The following TASP1 variants were observed in gnomAD, a reference collection of about 807,000 sequenced individuals.
The protein encoded by TASP1 is taspase 1.
Under a neutral mutation model 56.6 loss-of-function variants are expected in TASP1, and 16 were observed. The observed-to-expected ratio is 0.28, with a 90% CI of 0.19 to 0.43. TASP1 has a LOEUF of 0.43. Among genes scored for constraint, TASP1 ranks in the 20% least tolerant of loss-of-function variants. The probability of loss-of-function intolerance (pLI) is 1.00; values close to 1 mark genes in which losing one functional copy is unlikely to be tolerated. For missense variants in TASP1, 393 were observed against 511.6 expected (o/e 0.77, Z 2.24); for synonymous variants, 179 against 184.2 (o/e 0.97, Z 0.23).
At chr20:13,344,836 G>A in the TASP1 span, among the ~76,000 whole-genome samples, 1 of 152,294 alleles carries the variant, frequency 6.6e-6, no homozygotes, top group African/African-American at 2.4e-5. Context: ...ACACTCAGCG[G>A]CTGGCATGAT....
the TASP1 span, among the ~76,000 whole-genome samples, chr20:13,158,972 G>C: frequency 1.3e-5 from 2 of 152,196 alleles, no homozygotes; most frequent in Non-Finnish European, 2.9e-5. Context: ...GCTAAGAACA[G>C]ATCTGAGGCA....
chr20:13,616,913 C>T (rs1455369157), intron 4 of TASP1: 6 of 350,762 alleles, frequency 1.7e-5, no homozygotes, highest in Non-Finnish European at 2.8e-5. Flanking sequence ...TGCACATGGC[C>T]ACCCACAGCC....
the TASP1 span, among the ~76,000 whole-genome samples, chr20:13,293,699 C>T: frequency 6.6e-6 from 1 of 152,160 alleles, no homozygotes; most frequent in East Asian, 1.9e-4. Flanking sequence ...ATGGTCTGGG[C>T]ACAGTGACTC....
the TASP1 span, among the ~76,000 whole-genome samples, chr20:13,274,731 C>T: frequency 6.7e-6 from 1 of 149,884 alleles, no homozygotes; most frequent in Non-Finnish European, 1.5e-5. Flanking sequence ...CTTCTAAAAG[C>T]CCCAACACCT....
At chr20:13,434,489 G>A (rs1600781338) in intron 12 of TASP1, among the ~76,000 whole-genome samples, 1 of 152,150 alleles carries the variant, frequency 6.6e-6, no homozygotes, top group African/African-American at 2.4e-5. Flanking sequence ...CTGCAAATCT[G>A]CGAAAATACT....
chr20:13,599,666 T>C (rs1251695931), intron 4 of TASP1, among the ~76,000 whole-genome samples: 1 of 151,720 alleles, frequency 6.6e-6, no homozygotes, highest in African/African-American at 2.4e-5. Flanking sequence ...CCCTAGAACT[T>C]AAAGTATAAT....
the TASP1 span, among the ~76,000 whole-genome samples, chr20:13,312,537 G>A: frequency 6.6e-6 from 1 of 152,144 alleles, no homozygotes; most frequent in African/African-American, 2.4e-5. Context: ...TCTAAATTCA[G>A]CATTTACTGG....
chr20:13,571,502 A>G (rs1427226160), intron 6 of TASP1, among the ~76,000 whole-genome samples: 1 of 152,216 alleles, frequency 6.6e-6, no homozygotes, highest in Non-Finnish European at 1.5e-5. Flanking sequence ...CATATCTGGA[A>G]TCTGACCACT....
intron 8 of TASP1, among the ~76,000 whole-genome samples, chr20:13,535,646 G>A (rs951650230): frequency 6.6e-6 from 1 of 152,144 alleles, no homozygotes; most frequent in Admixed American, 6.6e-5. Flanking sequence ...CTAAGGAAAG[G>A]TTTGATCCAC....
At chr20:13,582,725 A>G (rs567673789) in intron 5 of TASP1, among the ~76,000 whole-genome samples, 2 of 152,342 alleles carry the variant, frequency 1.3e-5, no homozygotes, top group East Asian at 3.9e-4. Flanking sequence ...AAGAGGGAGA[A>G]AGAACACAAA....
chr20:13,175,719 C>T, the TASP1 span, among the ~76,000 whole-genome samples: 1 of 152,182 alleles, frequency 6.6e-6, no homozygotes, highest in Non-Finnish European at 1.5e-5. Context: ...TGGTAATATC[C>T]ATTGTGTACC....
chr20:13,122,945 T>C, the TASP1 span, among the ~76,000 whole-genome samples: 3 of 152,192 alleles, frequency 2.0e-5, no homozygotes, highest in Non-Finnish European at 4.4e-5. Context: ...ATGAGAGAGT[T>C]GAAACAGAGA....
chr20:13,208,949 G>A, the TASP1 span, among the ~76,000 whole-genome samples: 3 of 152,170 alleles, frequency 2.0e-5, no homozygotes, highest in Non-Finnish European at 4.4e-5. Context: ...ACTGACACAC[G>A]TGGAGTGTAC....
intron 4 of TASP1, among the ~76,000 whole-genome samples, chr20:13,610,887 T>G (rs2048327269): frequency 6.6e-6 from 1 of 152,108 alleles, no homozygotes; most frequent in Admixed American, 6.5e-5. Context: ...ATATTCTCCA[T>G]GAACCACATC....
the TASP1 span, among the ~76,000 whole-genome samples, chr20:13,144,043 A>T: frequency 4.6e-5 from 7 of 152,096 alleles, no homozygotes; most frequent in African/African-American, 1.7e-4. Flanking sequence ...GCTCTCTAAT[A>T]CCCATCAAAA....
intron 2 of TASP1, among the ~76,000 whole-genome samples, chr20:13,629,364 CAAA>C (rs1218111399): frequency 1.5e-4 from 8 of 52,012 alleles, no homozygotes; most frequent in Non-Finnish European, 1.3e-4. Flanking sequence ...AACTCCATCT[CAAA>C]AAAAAAAAAA....
In TASP1 at chr20:13,622,894, G is replaced by A. The variant is rs144388689; in HGVS notation, c.282+552C>T. 7.9e-5 allele frequency among the ~76,000 whole-genome samples: 12 copies of A among 152,258 alleles called. No homozygotes were observed. The East Asian group carries it at 2.3e-3, about 29-fold the overall frequency. On this transcript the variant is annotated intron_variant, in intron 4 of 13. Transcript: ENST00000337743. Reference sequence around the variant, plus strand: ...AGGTTCCAAATCAAGAGAACTGAGAGAACCTCACTCTAGAGTATAAAAAAT... The same window carrying A: ...AGGTTCCAAATCAAGAGAACTGAGAAAACCTCACTCTAGAGTATAAAAAAT...
chr20:13,207,664 C>T, the TASP1 span, among the ~76,000 whole-genome samples: 12 of 152,144 alleles, frequency 7.9e-5, no homozygotes, highest in Non-Finnish European at 1.2e-4. Flanking sequence ...ATTCTTCCTT[C>T]GGTTTTTTGC....
chr20:13,636,574 C>T (rs945029514), intron 1 of TASP1, among the ~76,000 whole-genome samples: 5 of 152,010 alleles, frequency 3.3e-5, no homozygotes, highest in Admixed American at 3.3e-4. Context: ...AGAAAACTTT[C>T]TACCAAAATA....
Sources: gnomAD v4.1 joint callset for allele counts (sites outside exome capture counted in the v4.1 genomes callset) on GRCh38, gnomAD v4.1.1 for gene constraint, MANE v1.5 for transcripts, NCBI Gene and HGNC (gene_info 2026-07-23, HGNC 2026-07-21) for gene names.